The following ATXN7 variants were observed in gnomAD, a reference collection of about 807,000 sequenced individuals.
ATXN7 encodes ataxin-7.
ATXN7 carries 12 observed loss-of-function variants against 70.5 expected under a neutral mutation model. The ratio of observed to expected loss-of-function variants is 0.17; its 90% confidence interval spans 0.11 to 0.28. The LOEUF (loss-of-function observed/expected upper bound fraction) is 0.28, where lower values mean the gene tolerates loss of function less well. Among genes scored for constraint, ATXN7 ranks in the 10% least tolerant of loss-of-function variants. The pLI is 1.00. For synonymous variants in ATXN7, 498 were observed against 448.7 expected, an observed-to-expected ratio of 1.11 and a Z score of -1.39; for missense variants, 1,256 against 1,131.7, an observed-to-expected ratio of 1.11 and a Z score of -1.58.
chr3:63,913,188 T>C lies in ATXN7; in HGVS notation c.357T>C (p.Phe119=). ...AATTGGACGAAAGTTTCAAGGAGTT[T>C]GGGAAAAACCGCGAAGTCATGGGGC... ...GTELDESFKE[F]GKNREVMGLC... Residue 119 remains phenylalanine, a synonymous_variant, in exon 4 of 13, where the codon TTT becomes TTC. Coordinates refer to ENST00000674280, the MANE Select transcript of ATXN7 (RefSeq NM_001377405.1). 6.2e-7 allele frequency: 1 copy of C among 1,613,804 alleles called. No homozygotes were observed. Among genetic ancestry groups the C allele is most frequent in the East Asian group, 2.2e-5 (1 of 44,840 alleles).
chr3:63,863,793 C>G, upstream of ATXN7: 1 of 1,249,914 alleles, frequency 8.0e-7, no homozygotes, highest in Non-Finnish European at 9.9e-7. Flanking sequence ...GCTCCCATGG[C>G]GTGCGCGGCG....
intron 11 of ATXN7, among the ~76,000 whole-genome samples, chr3:63,991,632 C>T (rs996058895): frequency 2.6e-5 from 4 of 151,988 alleles, no homozygotes; most frequent in Non-Finnish European, 4.4e-5. Context: ...GGATGAGGTC[C>T]AAGAAACCAG....
At chr3:63,991,731 G>A (rs2106790919) in intron 11 of ATXN7, among the ~76,000 whole-genome samples, 1 of 152,074 alleles carries the variant, frequency 6.6e-6, no homozygotes, top group Middle Eastern at 3.4e-3. Context: ...AAGACACCTT[G>A]TGTGATATTA....
intron 5 of ATXN7, among the ~76,000 whole-genome samples, chr3:63,979,286 T>G (rs976176904): frequency 1.3e-5 from 2 of 152,244 alleles, no homozygotes; most frequent in Admixed American, 1.3e-4. Context: ...GAACCGGAGC[T>G]ATGCCATCTG....
At chr3:63,895,762 CTGTCTCTCTCT>C (rs1703424156) in intron 1 of ATXN7, among the ~76,000 whole-genome samples, 1 of 151,522 alleles carries the variant, frequency 6.6e-6, no homozygotes, top group South Asian at 2.1e-4. Flanking sequence ...TCTCTCTTTT[CTGTCTCTCTCT>C]TGTTTCTCTG....
intron 5 of ATXN7, among the ~76,000 whole-genome samples, chr3:63,965,338 T>C (rs541936174): frequency 5.5e-4 from 84 of 152,300 alleles, no homozygotes; most frequent in African/African-American, 1.9e-3. Flanking sequence ...TGCCCACGGC[T>C]GCACAACTAG....
intron 1 of ATXN7, among the ~76,000 whole-genome samples, chr3:63,882,983 A>G (rs986399646): frequency 5.3e-5 from 8 of 152,144 alleles, no homozygotes; most frequent in African/African-American, 1.9e-4. Context: ...TACAGTATCT[A>G]TTTTACAGAT....
chr3:63,896,772 A>T (rs1398767043), intron 1 of ATXN7, among the ~76,000 whole-genome samples: 1 of 152,204 alleles, frequency 6.6e-6, no homozygotes, highest in Non-Finnish European at 1.5e-5. Context: ...TAAGAATTGG[A>T]TTTCCTATAA....
Position 63,999,686 on chromosome 3 carries a change from G to A in ATXN7, c.*219G>A. On this transcript the variant is annotated 3_prime_UTR_variant, in exon 13 of 13. Transcript: ENST00000674280. ...CATAAAGGACACTGGATCAAGTTCA[G>A]CCACCGAATTGCTTTTATCAGTGTT... 1 of 783,798 alleles carries A rather than the reference G, an allele frequency of 1.3e-6. No homozygotes were observed. Among genetic ancestry groups the A allele is most frequent in the Non-Finnish European group, 2.1e-6 (1 of 471,410 alleles). The allele number at this position is 783,798 out of a possible 1,614,324, so 48.6% of individuals were successfully genotyped here.
At chr3:63,957,228 A>G (rs1031109442) in intron 5 of ATXN7, among the ~76,000 whole-genome samples, 2 of 152,090 alleles carry the variant, frequency 1.3e-5, no homozygotes, top group Non-Finnish European at 2.9e-5. Flanking sequence ...AAATAGATGA[A>G]TGATGTTTAT....
intron 1 of ATXN7, among the ~76,000 whole-genome samples, chr3:63,871,916 C>T (rs1702605535): frequency 6.6e-6 from 1 of 150,524 alleles, no homozygotes; most frequent in African/African-American, 2.4e-5. Flanking sequence ...TAAATTGTTC[C>T]TTTTTTTTCC....
In ATXN7 at chr3:63,959,293, A is replaced by T. The variant is rs564322883; in HGVS notation, c.499+6810A>T. On this transcript the variant is annotated intron_variant, in intron 5 of 12. Coordinates refer to ENST00000674280, the MANE Select transcript of ATXN7 (RefSeq NM_001377405.1). ...GAAACTTGTTGCAGAGCAAAAAAAA[A>T]TTACCTCACTCTTTTGCTTGGAAGA... Among the ~76,000 whole-genome samples, 13 of 152,304 alleles carry T rather than the reference A, an allele frequency of 8.5e-5. No individual in the cohort carries two copies. The East Asian group carries it at 2.5e-3, about 29-fold the overall frequency.
chr3:63,910,809 ATCTT>A (rs1269782736), intron 2 of ATXN7, among the ~76,000 whole-genome samples: 3 of 152,108 alleles, frequency 2.0e-5, no homozygotes, highest in South Asian at 2.1e-4. Context: ...TTATTTCTAA[ATCTT>A]TCTAAAATAA....
intron 1 of ATXN7, among the ~76,000 whole-genome samples, chr3:63,869,228 G>A (rs1310916938): frequency 2.0e-5 from 3 of 152,070 alleles, no homozygotes; most frequent in Non-Finnish European, 2.9e-5. Context: ...CTCATTTCCT[G>A]AGCTCTCTGG....
intron 4 of ATXN7, among the ~76,000 whole-genome samples, chr3:63,918,227 GC>G (rs1489632736): frequency 6.6e-6 from 1 of 152,146 alleles, no homozygotes; most frequent in African/African-American, 2.4e-5. Flanking sequence ...GAGTTGGATA[GC>G]CTCAGTAAAC....
chr3:63,990,881 G>A (rs756559445), intron 11 of ATXN7, 22 bp downstream of exon 11: 8 of 1,614,224 alleles, frequency 5.0e-6, no homozygotes, highest in Admixed American at 3.3e-5. Context: ...TTGTTCTTGG[G>A]AGAGGAGCTG....
At chr3:63,918,515 AAAT>A (rs1466086498) in intron 4 of ATXN7, among the ~76,000 whole-genome samples, 1 of 152,234 alleles carries the variant, frequency 6.6e-6, no homozygotes, top group African/African-American at 2.4e-5. Flanking sequence ...CAGTTTCAGC[AAAT>A]AATGAGTCAT....
intron 11 of ATXN7, among the ~76,000 whole-genome samples, chr3:63,992,121 A>C (rs909077730): frequency 3.3e-5 from 5 of 152,174 alleles, no homozygotes; most frequent in African/African-American, 1.2e-4. Flanking sequence ...CTGCCAGTAC[A>C]TTCATTTGAC....
chr3:63,941,174 G>A (rs1473069543), intron 4 of ATXN7, among the ~76,000 whole-genome samples: 2 of 152,122 alleles, frequency 1.3e-5, no homozygotes, highest in African/African-American at 4.8e-5. Context: ...TTGGCCATTT[G>A]TAATTAGTGA....
Sources: gnomAD v4.1 joint callset for allele counts (sites outside exome capture counted in the v4.1 genomes callset) on GRCh38, gnomAD v4.1.1 for gene constraint, MANE v1.5 for transcripts, NCBI Gene and HGNC (gene_info 2026-07-23, HGNC 2026-07-21) for gene names.